Variants in STIM1 observed in about 807,000 individuals in gnomAD.
STIM1 encodes the protein stromal interaction molecule 1.
STIM1 carries 25 observed loss-of-function variants against 74.7 expected under a neutral mutation model. The observed-to-expected ratio is 0.33, with a 90% CI of 0.24 to 0.47. STIM1 has a LOEUF of 0.47. STIM1 is among the 20% of genes least tolerant of loss of function. The pLI is 1.00. For missense variants in STIM1, 728 were observed against 920.8 expected (o/e 0.79, Z 2.71); for synonymous variants, 328 against 348.8 (o/e 0.94, Z 0.66).
chr11:3,874,956 CTT>C (rs574649531), intron 1 of STIM1, among the ~76,000 whole-genome samples: 2 of 144,304 alleles, frequency 1.4e-5, no homozygotes, highest in East Asian at 2.0e-4. Flanking sequence ...GAGTTTGTAT[CTT>C]TTTTTTTTTT....
chr11:4,002,807 T>A (rs1398561424), intron 2 of STIM1, among the ~76,000 whole-genome samples: 1 of 148,510 alleles, frequency 6.7e-6, no homozygotes, highest in Non-Finnish European at 1.5e-5. Flanking sequence ...GAGCCGGTTT[T>A]TTGAAAGGAT....
intron 2 of STIM1, among the ~76,000 whole-genome samples, chr11:4,009,005 A>G (rs1396626089): frequency 1.3e-5 from 2 of 152,148 alleles, no homozygotes; most frequent in Admixed American, 1.3e-4. Context: ...AAAAAGTTGC[A>G]TTTTGGCTGG....
intron 1 of STIM1, among the ~76,000 whole-genome samples, chr11:3,936,135 C>T (rs10835331): frequency 0.31 from 47,420 of 152,050 alleles, 7,582 homozygotes; most frequent in South Asian, 0.46. Context: ...TCAGTAGGTA[C>T]TTTTGTTATC....
chr11:4,000,442 CT>C (rs2093704317), intron 2 of STIM1, among the ~76,000 whole-genome samples: 1 of 152,038 alleles, frequency 6.6e-6, no homozygotes, highest in Non-Finnish European at 1.5e-5. Context: ...ATCCGTGGTT[CT>C]GCAGACACCG....
chr11:3,963,945 A>C (rs990203513), intron 1 of STIM1, among the ~76,000 whole-genome samples: 6 of 152,240 alleles, frequency 3.9e-5, no homozygotes, highest in African/African-American at 1.4e-4. Flanking sequence ...GGAACTGTTT[A>C]CTTGCTGCTC....
At chr11:3,977,643 A>G (rs1312056189) in intron 2 of STIM1, among the ~76,000 whole-genome samples, 1 of 152,228 alleles carries the variant, frequency 6.6e-6, no homozygotes, top group Non-Finnish European at 1.5e-5. Flanking sequence ...TAAAGTTTTT[A>G]CGTTATCATC....
At chr11:4,074,331 CTG>C (rs2094424389) in intron 6 of STIM1, among the ~76,000 whole-genome samples, 169 bp from the exon 7 acceptor site, 2 of 152,374 alleles carry the variant, frequency 1.3e-5, no homozygotes, top group South Asian at 4.1e-4. Flanking sequence ...TAGGTAATGA[CTG>C]TGGTTTCTAT....
intron 1 of STIM1, among the ~76,000 whole-genome samples, chr11:3,912,923 G>T (rs1361200924): frequency 6.6e-6 from 1 of 152,098 alleles, no homozygotes; most frequent in African/African-American, 2.4e-5. Context: ...ACAGTATGTG[G>T]TGCTTCTCTT....
chr11:4,000,014 C>A (rs908402224), intron 2 of STIM1, among the ~76,000 whole-genome samples: 1 of 151,972 alleles, frequency 6.6e-6, no homozygotes, highest in Admixed American at 6.6e-5. Flanking sequence ...AACTGCAAGG[C>A]GGCAGCGAGG....
intron 2 of STIM1, among the ~76,000 whole-genome samples, chr11:4,001,429 A>G (rs902442094): frequency 4.6e-5 from 7 of 152,218 alleles, no homozygotes; most frequent in African/African-American, 1.7e-4. Context: ...GGGGACCAAT[A>G]TTCAACATTC....
intron 1 of STIM1, among the ~76,000 whole-genome samples, chr11:3,883,823 G>C (rs1392420074): frequency 6.6e-6 from 1 of 152,158 alleles, no homozygotes; most frequent in Non-Finnish European, 1.5e-5. Context: ...TTACTTGATA[G>C]TAATGACACC....
intron 1 of STIM1, among the ~76,000 whole-genome samples, chr11:3,894,937 C>T (rs1382291156): frequency 1.6e-5 from 2 of 128,366 alleles, no homozygotes; most frequent in Admixed American, 1.8e-4. Flanking sequence ...TTAGTAGAGA[C>T]AGGGTTTTGC....
chr11:3,943,236 C>A (rs1020138522), intron 1 of STIM1, among the ~76,000 whole-genome samples: 1 of 152,168 alleles, frequency 6.6e-6, no homozygotes, highest in Non-Finnish European at 1.5e-5. Flanking sequence ...CTTGCTTCCA[C>A]AGAACCTGGT....
intron 1 of STIM1, among the ~76,000 whole-genome samples, chr11:3,913,780 A>G (rs537025688): frequency 1.4e-3 from 218 of 152,246 alleles, no homozygotes; most frequent in African/African-American, 5.0e-3. Flanking sequence ...CTTACCTATT[A>G]AGCAGTTTCT....
Position 3,914,466 on chromosome 11 carries a change from G to A in STIM1, c.140-53086G>A, listed in dbSNP as rs1247376519. Among the ~76,000 whole-genome samples, 5 of 151,990 alleles carry A rather than the reference G, an allele frequency of 3.3e-5. No individual in the cohort carries two copies. In the East Asian group the frequency reaches 5.8e-4, roughly 18 times the overall value. ...TCAATTTTTTTATATTTTTTGAGAC[G>A]GAGTCTCACTCTGTCGCCAGGCTGG... On this transcript the variant is annotated intron_variant, in intron 1 of 12. Coordinates refer to ENST00000526596, the MANE Select transcript of STIM1 (RefSeq NM_001382567.1).
chr11:4,083,149 A>G (rs2094474036), intron 9 of STIM1, 114 bp from the exon 10 acceptor site: 2 of 1,278,092 alleles, frequency 1.6e-6, no homozygotes, highest in Admixed American at 1.8e-5. Flanking sequence ...GTTTGAGTTT[A>G]TTGTGTGTTT....
At chr11:4,048,940 G>T (rs2094215495) in intron 3 of STIM1, among the ~76,000 whole-genome samples, 1 of 152,122 alleles carries the variant, frequency 6.6e-6, no homozygotes, top group South Asian at 2.1e-4. Flanking sequence ...CACCATGTTG[G>T]CCAGGCTGGT....
At chr11:4,009,854 C>T (rs1424004907) in intron 2 of STIM1, among the ~76,000 whole-genome samples, 2 of 151,996 alleles carry the variant, frequency 1.3e-5, no homozygotes, top group African/African-American at 2.4e-5. Context: ...GCTCTATTGC[C>T]CAGGCTGGAG....
chr11:4,035,120 C>T (rs1414291060), intron 3 of STIM1, among the ~76,000 whole-genome samples: 3 of 152,056 alleles, frequency 2.0e-5, no homozygotes, highest in Non-Finnish European at 4.4e-5. Flanking sequence ...CTTTGGATAT[C>T]ATTTGCTCTT....
Sources: gnomAD v4.1 joint callset for allele counts (sites outside exome capture counted in the v4.1 genomes callset) on GRCh38, gnomAD v4.1.1 for gene constraint, MANE v1.5 for transcripts, NCBI Gene and HGNC (gene_info 2026-07-23, HGNC 2026-07-21) for gene names.